Variants in ATP6V1B1 observed in about 807,000 individuals in gnomAD.
ATP6V1B1 encodes ATPase H+ transporting V1 subunit B1, also known as V-type proton ATPase subunit B, kidney isoform.
ATP6V1B1 carries 41 observed loss-of-function variants against 62.1 expected under a neutral mutation model. That is an observed-to-expected ratio of 0.66 (90% CI 0.51 to 0.86). The LOEUF (loss-of-function observed/expected upper bound fraction) is 0.86, where lower values mean the gene tolerates loss of function less well. Among genes scored for constraint, ATP6V1B1 ranks in the 40% least tolerant of loss-of-function variants. The probability of loss-of-function intolerance (pLI) is 0.00; values close to 1 mark genes in which losing one functional copy is unlikely to be tolerated. For missense variants in ATP6V1B1, 651 were observed against 697.5 expected, an observed-to-expected ratio of 0.93 and a Z score of 0.75; for synonymous variants, 253 against 273.4, an observed-to-expected ratio of 0.93 and a Z score of 0.74.
chr2:70,957,813 T>C (rs1373135021), intron 2 of ATP6V1B1: 2 of 560,164 alleles, frequency 3.6e-6, no homozygotes, highest in Non-Finnish European at 3.2e-6. Context: ...GTCAGGCAGC[T>C]ACTAAGCTTC....
chr2:70,948,543 G>T (rs1680241789), intron 2 of ATP6V1B1: 1 of 154,686 alleles, frequency 6.5e-6, no homozygotes, highest in South Asian at 2.0e-4. Flanking sequence ...CGAAACACAG[G>T]TTATCAGAGT....
rs192670658 is a variant in ATP6V1B1, at chr2:70,944,888, C to T, written c.174+1175C>T. ...TTCCCCGTGTTAGCCAGGATGGTCT[C>T]GATCTCTTGACCTGGTGATCCGCCC... On this transcript the variant is annotated intron_variant, in intron 2 of 13. Coordinates refer to ENST00000234396, the MANE Select transcript of ATP6V1B1 (RefSeq NM_001692.4). Among the ~76,000 whole-genome samples the T allele has an allele frequency of 8.5e-5, 13 of 152,228 alleles. 1 individual carries two copies. In the South Asian group the frequency reaches 1.2e-3, roughly 15 times the overall value.
rs1427435568 is a variant in ATP6V1B1, at chr2:70,959,807, C to T, written c.446-132C>T. Reference sequence around the variant, plus strand: ...GTATCTAGGGCTACATCAGGCAGCACGGCCAGAGCACGTTTCTATCATCAC... The same window carrying T: ...GTATCTAGGGCTACATCAGGCAGCATGGCCAGAGCACGTTTCTATCATCAC... On this transcript the variant is annotated intron_variant, in intron 5 of 13. Coordinates refer to ENST00000234396, the MANE Select transcript of ATP6V1B1 (RefSeq NM_001692.4). This position sits in a 1 kb window ranked among gnomAD's most constrained non-coding sequence, Gnocchi z 4.2. The T allele has an allele frequency of 1.1e-4, 145 of 1,357,610 alleles. No homozygotes were observed. The South Asian group carries it at 1.6e-3, about 15-fold the overall frequency. 84.1% of individuals were successfully genotyped at this position (1,357,610 alleles called of 1,614,324 possible).
chr2:70,962,746 A>G, intron 8 of ATP6V1B1, 31 bp from the exon 9 acceptor site: 1 of 1,612,012 alleles, frequency 6.2e-7, no homozygotes, highest in Non-Finnish European at 8.5e-7. Context: ...CCAGGCCTCC[A>G]GGCTCTCTAA....
intron 1 of ATP6V1B1, among the ~76,000 whole-genome samples, chr2:70,936,315 C>T (rs185240238): frequency 2.6e-5 from 4 of 152,246 alleles, no homozygotes. Flanking sequence ...TGGGGAGTAG[C>T]TGTCATCAGC....
intron 2 of ATP6V1B1, 200 bp from the exon 3 acceptor site, chr2:70,957,845 TC>T: frequency 1.6e-6 from 1 of 610,218 alleles, no homozygotes; most frequent in Non-Finnish European, 3.0e-6. Flanking sequence ...TGTAACCTGG[TC>T]TTGCAACTCT....
At chr2:70,964,142 TA>T in intron 11 of ATP6V1B1, 4 of 320,678 alleles carry the variant, frequency 1.2e-5, no homozygotes, top group Non-Finnish European at 2.3e-5. Context: ...TTTTTGCAGC[TA>T]TTAACCATTA....
intron 2 of ATP6V1B1, among the ~76,000 whole-genome samples, chr2:70,946,997 T>G (rs1437075706): frequency 1.3e-5 from 2 of 152,178 alleles, no homozygotes; most frequent in African/African-American, 2.4e-5. Context: ...TCTACCAGGA[T>G]TTGGCAAATG....
intron 7 of ATP6V1B1, 45 bp from the exon 8 acceptor site, chr2:70,961,551 C>G: frequency 1.3e-6 from 2 of 1,595,758 alleles, no homozygotes; most frequent in Non-Finnish European, 1.7e-6. Context: ...GCCTTGCCCT[C>G]AGGCCACAGG....
At chr2:70,947,994 A>T (rs892515939) in intron 2 of ATP6V1B1, among the ~76,000 whole-genome samples, 3 of 152,108 alleles carry the variant, frequency 2.0e-5, no homozygotes, top group Non-Finnish European at 4.4e-5. Context: ...AACAACAATA[A>T]CGACGAACAT....
In ATP6V1B1 at chr2:70,936,045, C is replaced by T. The variant is rs121964879; in HGVS notation, c.91C>T (p.Arg31Ter). The change falls in exon 1 of 14, where the codon CGA becomes TGA. Residue 31 changes from arginine (R) to a stop codon, truncating the protein, a stop_gained. Transcript: ENST00000234396. LOFTEE classifies it high-confidence loss of function. ...AAREHMQAVT[R>*]NYITHPRVTY... ...CCGAGAACACATGCAGGCGGTCACCCGAAACTACATCACCCACCCCCGTGT... is the reference window on the plus strand; with the variant it reads ...CCGAGAACACATGCAGGCGGTCACCTGAAACTACATCACCCACCCCCGTGT... The T allele has an allele frequency of 4.3e-6, 7 of 1,614,028 alleles. No homozygotes were observed. Among genetic ancestry groups the T allele is most frequent in the Non-Finnish European group, 5.9e-6 (7 of 1,179,960 alleles).
At chr2:70,958,912 C>T in intron 4 of ATP6V1B1, 106 bp from the exon 5 acceptor site, 1 of 1,127,148 alleles carries the variant, frequency 8.9e-7, no homozygotes, top group South Asian at 1.3e-5. Flanking sequence ...ATACAGGGCA[C>T]TCCTGTGGGG....
chr2:70,964,975 T>A lies in ATP6V1B1; in HGVS notation c.1396T>A (p.Ser466Thr), dbSNP rs1680686511. Reference protein sequence around the residue: ...FINQGPYENRSVFESLDLGWK... With the variant: ...FINQGPYENRTVFESLDLGWK... The stretch of plus-strand genomic sequence containing the variant: ...GTCCCTAGGCCCCTACGAGAACCGC[T>A]CGGTGTTCGAGTCGCTGGACCTGGG... Residue 466 changes from serine (S) to threonine (T), a missense_variant, in exon 14 of 14, where the codon TCG (serine) becomes ACG (threonine). Ser to Thr is a moderately conservative substitution (Grantham distance 58). Coordinates refer to ENST00000234396, the MANE Select transcript of ATP6V1B1 (RefSeq NM_001692.4). 1.2e-6 allele frequency: 2 copies of A among 1,613,788 alleles called. No individual in the cohort carries two copies. Among genetic ancestry groups the A allele is most frequent in the African/African-American group, 2.7e-5 (2 of 74,906 alleles).
Position 70,965,058 on chromosome 2 carries a change from G to A in ATP6V1B1, c.1479G>A (p.Val493=). The change falls in exon 14 of 14, where the codon GTG becomes GTA. Residue 493 remains valine, a synonymous_variant. Coordinates refer to ENST00000234396, the MANE Select transcript of ATP6V1B1 (RefSeq NM_001692.4). ...KEMLKRIPQA[V]IDEFYSREGA... ...TGCTGAAGCGCATTCCGCAGGCCGTGATCGACGAGTTCTATTCCCGCGAGG... is the reference window on the plus strand; with the variant it reads ...TGCTGAAGCGCATTCCGCAGGCCGTAATCGACGAGTTCTATTCCCGCGAGG... The A allele has an allele frequency of 6.2e-7, 1 of 1,613,502 alleles. No homozygotes were observed. The highest frequency in any genetic ancestry group is 8.5e-7 in the Non-Finnish European group (1 of 1,180,040).
intron 1 of ATP6V1B1, chr2:70,940,365 C>T (rs1679962877): frequency 1.0e-6 from 1 of 984,964 alleles, no homozygotes; most frequent in South Asian, 4.7e-5. Flanking sequence ...TCCAGCCCAC[C>T]CACCCTGCAT....
chr2:70,941,606 A>T (rs1680006133), intron 1 of ATP6V1B1: 1 of 811,568 alleles, frequency 1.2e-6, no homozygotes, highest in Admixed American at 6.2e-5. Flanking sequence ...TTTGCTCTGT[A>T]TCCTTCTTTT....
chr2:70,962,666 T>C, intron 8 of ATP6V1B1, 111 bp from the exon 9 acceptor site: 1 of 1,541,824 alleles, frequency 6.5e-7, no homozygotes. Context: ...TCCATTCCTC[T>C]GCCACTATGC....
chr2:70,939,664 G>A (rs183846207), intron 1 of ATP6V1B1: 4 of 152,416 alleles, frequency 2.6e-5, no homozygotes, highest in African/African-American at 9.6e-5. Context: ...CAGCCTAGAA[G>A]AAAAGATCAG....
At chr2:70,964,052 C>T (rs1421810033) in intron 11 of ATP6V1B1, 1 of 414,916 alleles carries the variant, frequency 2.4e-6, no homozygotes, top group Admixed American at 3.6e-5. Flanking sequence ...AACTAACACA[C>T]ATCTGTCCTG....
Sources: gnomAD v4.1 joint callset for allele counts (sites outside exome capture counted in the v4.1 genomes callset) on GRCh38, gnomAD v4.1.1 for gene constraint, Gnocchi (gnomAD v3.1) non-coding constraint, MANE v1.5 for transcripts, NCBI Gene and HGNC (gene_info 2026-07-23, HGNC 2026-07-21) for gene names.